Variants in TRHDE observed in about 807,000 individuals in gnomAD.
TRHDE encodes the protein thyrotropin-releasing hormone-degrading ectoenzyme.
A neutral mutation model predicts 125.7 loss-of-function variants in TRHDE; 72 were observed. The observed-to-expected ratio is 0.57, with a 90% CI of 0.47 to 0.70. TRHDE has a LOEUF of 0.70. Ranked by LOEUF, TRHDE falls within the 30% of genes least tolerant of loss-of-function variation. TRHDE has a pLI of 0.00. For synonymous variants in TRHDE, 509 were observed against 509.1 expected (o/e 1.00, Z 0.00); for missense variants, 1,110 against 1,327.1 (o/e 0.84, Z 2.54).
intron 2 of TRHDE, among the ~76,000 whole-genome samples, chr12:72,287,980 G>A (rs1879954667): frequency 6.7e-6 from 1 of 150,152 alleles, no homozygotes; most frequent in Admixed American, 6.6e-5. Context: ...AAAGTAAATT[G>A]AGTACAGTTT....
chr12:72,157,408 G>A (rs1487045210), intron 2 of TRHDE, among the ~76,000 whole-genome samples: 1 of 152,170 alleles, frequency 6.6e-6, no homozygotes, highest in Non-Finnish European at 1.5e-5. Flanking sequence ...AGGAGCAAAT[G>A]TTCGAAGTAC....
At chr12:72,352,444 A>T (rs1053563126) in intron 2 of TRHDE, among the ~76,000 whole-genome samples, 7 of 151,758 alleles carry the variant, frequency 4.6e-5, no homozygotes, top group African/African-American at 1.7e-4. Flanking sequence ...GTATATGGAA[A>T]TGGTGGTGCC....
At chr12:72,525,347 C>A (rs1326708196) in intron 6 of TRHDE, among the ~76,000 whole-genome samples, 1 of 151,430 alleles carries the variant, frequency 6.6e-6, no homozygotes, top group African/African-American at 2.4e-5. Flanking sequence ...AAGTCAAAAC[C>A]CAGTTTTAAT....
chr12:72,597,762 T>TATATATATATATAC (rs1555200904), intron 12 of TRHDE, among the ~76,000 whole-genome samples: 1 of 80,678 alleles, frequency 1.2e-5, no homozygotes, highest in Non-Finnish European at 2.4e-5. Context: ...TATATATGCA[T>TATATATATATATAC]ACACACACAA....
At chr12:72,549,445 G>C (rs1211297957) in intron 7 of TRHDE, among the ~76,000 whole-genome samples, 1 of 151,756 alleles carries the variant, frequency 6.6e-6, no homozygotes, top group Non-Finnish European at 1.5e-5. Context: ...TATCCAGATG[G>C]CAGCTGAATC....
chr12:72,276,115 T>C (rs995207600), intron 1 of TRHDE, among the ~76,000 whole-genome samples: 1 of 152,202 alleles, frequency 6.6e-6, no homozygotes, highest in Admixed American at 6.5e-5. Context: ...TTTGTTACTA[T>C]AGCCACTTGG....
chr12:72,380,747 C>CTTCCTTCCTTCCTTCCTTCT (rs1872117592), intron 3 of TRHDE, among the ~76,000 whole-genome samples: 2 of 95,826 alleles, frequency 2.1e-5, no homozygotes, highest in African/African-American at 1.3e-4. Context: ...TCCTTCCTTC[C>CTTCCTTCCTTCCTTCCTTCT]TTCCTTCCTT....
intron 2 of TRHDE, among the ~76,000 whole-genome samples, chr12:72,187,469 GT>G (rs1424512286): frequency 7.0e-6 from 1 of 142,392 alleles, no homozygotes; most frequent in African/African-American, 2.5e-5. Context: ...GGTGGTGGTG[GT>G]TGTGGTCGTG....
Position 72,189,000 on chromosome 12 carries a change from G to A in TRHDE, n.279+83248G>A, listed in dbSNP as rs569305747. ...TTATTTTTATTCCTACTCATTTTCT[G>A]TCCTCTCAGAAATGAGGATAATAAA... is the stretch of plus-strand genomic sequence containing the variant. On this transcript the variant is annotated intron_variant and non_coding_transcript_variant, in intron 2 of 4. Transcript: ENST00000548156. Among the ~76,000 whole-genome samples the A allele has an allele frequency of 8.6e-4, 131 of 152,238 alleles. 1 individual carries two copies. The Middle Eastern group carries it at 0.017, about 20-fold the overall frequency.
intron 2 of TRHDE, among the ~76,000 whole-genome samples, chr12:72,259,558 A>G (rs1158844653): frequency 1.3e-5 from 2 of 152,206 alleles, no homozygotes; most frequent in Admixed American, 6.5e-5. Flanking sequence ...GGATACATAC[A>G]GACACACACT....
chr12:72,097,440 A>ATTTTTTTTTTTTTTTTTTT (rs869290442), intron 1 of TRHDE, among the ~76,000 whole-genome samples: 5 of 21,654 alleles, frequency 2.3e-4, no homozygotes, highest in Admixed American at 5.9e-4. Flanking sequence ...TTCTCACTGA[A>ATTTTTTTTTTTTTTTTTTT]TTTTTTTTTT....
intron 12 of TRHDE, among the ~76,000 whole-genome samples, chr12:72,598,780 G>A (rs1158564795): frequency 6.6e-6 from 1 of 152,020 alleles, no homozygotes; most frequent in East Asian, 1.9e-4. Context: ...TTTGTTAAAT[G>A]AGTATGTTGT....
At chr12:72,462,406 A>G (rs1013990071) in intron 3 of TRHDE, among the ~76,000 whole-genome samples, 3 of 152,154 alleles carry the variant, frequency 2.0e-5, no homozygotes, top group Non-Finnish European at 4.4e-5. Flanking sequence ...TACATGGCAG[A>G]GTGAAACCAT....
chr12:72,204,911 T>G (rs1259071134), intron 2 of TRHDE, among the ~76,000 whole-genome samples: 3 of 152,196 alleles, frequency 2.0e-5, no homozygotes, highest in African/African-American at 7.2e-5. Context: ...AGGTCAAGAT[T>G]AAGTGGATTT....
At chr12:72,166,743 A>G (rs192124330) in intron 2 of TRHDE, among the ~76,000 whole-genome samples, 2 of 152,316 alleles carry the variant, frequency 1.3e-5, no homozygotes, top group Admixed American at 1.3e-4. Context: ...TTCTCAAGAC[A>G]TGGGGCATGA....
intron 2 of TRHDE, among the ~76,000 whole-genome samples, chr12:72,145,262 C>CT (rs1697620106): frequency 6.6e-6 from 1 of 152,064 alleles, no homozygotes; most frequent in African/African-American, 2.4e-5. Flanking sequence ...ATTGTTGTTG[C>CT]TTTTTTGTAG....
intron 2 of TRHDE, among the ~76,000 whole-genome samples, chr12:72,321,617 AG>A (rs1317547620): frequency 6.6e-6 from 1 of 152,124 alleles, no homozygotes; most frequent in African/African-American, 2.4e-5. Context: ...AGCATTTCAA[AG>A]CCTTTTCTCT....
At chr12:72,659,871 T>C (rs904803516) in intron 18 of TRHDE, among the ~76,000 whole-genome samples, 3 of 152,068 alleles carry the variant, frequency 2.0e-5, no homozygotes, top group African/African-American at 7.2e-5. Context: ...ACTTAGCAGG[T>C]ATTCTCCCCG....
At chr12:72,222,666 C>A (rs1878025176) in intron 2 of TRHDE, among the ~76,000 whole-genome samples, 1 of 152,098 alleles carries the variant, frequency 6.6e-6, no homozygotes, top group Non-Finnish European at 1.5e-5. Flanking sequence ...TTACTAGTGT[C>A]CTTCATGTGG....
Sources: gnomAD v4.1 joint callset for allele counts (sites outside exome capture counted in the v4.1 genomes callset) on GRCh38, gnomAD v4.1.1 for gene constraint, MANE v1.5 for transcripts, NCBI Gene and HGNC (gene_info 2026-07-23, HGNC 2026-07-21) for gene names.